The following ROS1 variants were observed in gnomAD, a reference collection of about 807,000 sequenced individuals.
ROS1 encodes proto-oncogene tyrosine-protein kinase ROS.
Under a neutral mutation model 273.5 loss-of-function variants are expected in ROS1, and 263 were observed. The observed-to-expected ratio is 0.96, with a 90% CI of 0.87 to 1.06. The LOEUF (loss-of-function observed/expected upper bound fraction) is 1.06. Ranked by LOEUF, ROS1 falls within the 50% of genes least tolerant of loss-of-function variation. The pLI, the probability that ROS1 is intolerant of heterozygous loss-of-function variation, is 0.00. For missense variants in ROS1, 2,833 were observed against 2,751.1 expected (o/e 1.03, Z -0.67); for synonymous variants, 1,008 against 954.1 (o/e 1.06, Z -1.04).
chr6:117,289,194 G>A (rs1334401508), intron 43 of ROS1, among the ~76,000 whole-genome samples: 1 of 152,136 alleles, frequency 6.6e-6, no homozygotes, highest in Non-Finnish European at 1.5e-5. Flanking sequence ...TCTAAAGTAT[G>A]TACTTTTTTA....
rs78982533 is a variant in ROS1 at position 117,413,488 on chromosome 6, G to GT, written c.255+1030dup. Among the ~76,000 whole-genome samples, 1,432 of 152,284 alleles carry GT rather than the reference G, an allele frequency of 9.4e-3. 49 individuals are homozygous for GT. Among genetic ancestry groups the GT allele is most frequent in the Admixed American group, 0.082 (1,261 of 15,294 alleles). On this transcript the variant is annotated intron_variant, in intron 4 of 43. Transcript: ENST00000368507. Reference sequence around the variant, plus strand: ...TTTGAAGGGATGAAATACAGGACAGGTAAGTTCAGCTGAAGACTAAGTAGG... The same window carrying GT: ...TTTGAAGGGATGAAATACAGGACAGGTTAAGTTCAGCTGAAGACTAAGTAGG...
intron 12 of ROS1, among the ~76,000 whole-genome samples, chr6:117,392,233 A>G (rs1773125438): frequency 6.6e-6 from 1 of 152,242 alleles, no homozygotes; most frequent in African/African-American, 2.4e-5. Context: ...CTAGAAGTTA[A>G]AATAAATCTT....
chr6:117,385,832 A>C lies in ROS1; in HGVS notation c.2140T>G (p.Tyr714Asp), dbSNP rs781112268. 1 of 1,614,170 alleles carries C rather than the reference A, an allele frequency of 6.2e-7. No individual in the cohort carries two copies. Among genetic ancestry groups the C allele is most frequent in the Admixed American group, 1.7e-5 (1 of 60,026 alleles). The change falls in exon 16 of 44, where the codon TAC becomes GAC. Residue 714 changes from tyrosine (Y) to aspartate (D), a missense_variant. Transcript: ENST00000368507. ...AAAACGTCGCCTTTCGTGTCACTGT[A>C]GTAGAGGCTGTTGTTATACCAATCC... ...DMDWYNNSLY[Y>D]SDTKGDVFVW...
chr6:117,411,799 T>C (rs1056961836), intron 4 of ROS1, among the ~76,000 whole-genome samples: 3 of 152,190 alleles, frequency 2.0e-5, no homozygotes, highest in Non-Finnish European at 4.4e-5. Context: ...TCTAAGAATA[T>C]GACAGTAAGC....
intron 27 of ROS1, among the ~76,000 whole-genome samples, chr6:117,347,825 C>A (rs904971733): frequency 6.6e-6 from 1 of 151,938 alleles, no homozygotes; most frequent in Non-Finnish European, 1.5e-5. Context: ...TCAATGTGAC[C>A]GCCTGATTTT....
intron 7 of ROS1, among the ~76,000 whole-genome samples, chr6:117,401,424 T>C (rs1176793336): frequency 6.6e-6 from 1 of 152,232 alleles, no homozygotes; most frequent in African/African-American, 2.4e-5. Context: ...TCTGGCTATG[T>C]GTCACATCGC....
intron 22 of ROS1, among the ~76,000 whole-genome samples, chr6:117,361,314 C>T (rs1042607357): frequency 6.6e-6 from 1 of 151,556 alleles, no homozygotes; most frequent in Admixed American, 6.6e-5. Context: ...AAATATAAAG[C>T]CCCAAGTACT....
intron 1 of ROS1, among the ~76,000 whole-genome samples, chr6:117,424,943 A>G (rs561761271): frequency 2.0e-5 from 3 of 152,312 alleles, no homozygotes; most frequent in African/African-American, 7.2e-5. Flanking sequence ...CTAAATTACA[A>G]CTGAAAAGAG....
At chr6:117,409,219 T>C (rs1774689290) in intron 5 of ROS1, among the ~76,000 whole-genome samples, 2 of 136,466 alleles carry the variant, frequency 1.5e-5, no homozygotes, top group African/African-American at 5.8e-5. Flanking sequence ...TATAATAAAA[T>C]AAATAAATAA....
intron 31 of ROS1, among the ~76,000 whole-genome samples, chr6:117,338,563 T>C (rs1218429228): frequency 1.3e-5 from 2 of 152,054 alleles, no homozygotes; most frequent in Non-Finnish European, 2.9e-5. Flanking sequence ...CTTAACTCTT[T>C]ATGGTTCTGT....
chr6:117,304,892 A>G (rs1057464695), intron 42 of ROS1, among the ~76,000 whole-genome samples: 2 of 151,996 alleles, frequency 1.3e-5, no homozygotes, highest in Admixed American at 1.3e-4. Flanking sequence ...TTAAAAGTGT[A>G]GCACCTCCTT....
intron 40 of ROS1, 139 bp from the exon 41 acceptor site, chr6:117,310,420 T>A: frequency 1.6e-6 from 1 of 606,284 alleles, no homozygotes; most frequent in Non-Finnish European, 2.7e-6. Flanking sequence ...TTACATGTGC[T>A]GAACATGAAG....
Position 117,425,772 on chromosome 6 carries a change from T to C in ROS1, c.-116A>G. On this transcript the variant is annotated 5_prime_UTR_variant, in exon 1 of 44. Transcript: ENST00000368507. ...GAGTAGCTGATGGATTTTGCTTTGT[T>C]TGTTTTGCTATATTAGGATATACTT... The C allele has an allele frequency of 8.7e-7, 1 of 1,153,006 alleles. No individual in the cohort carries two copies. 71.4% of individuals were successfully genotyped at this position (1,153,006 alleles called of 1,614,324 possible). A position where few individuals can be genotyped will look rare whatever the true frequency, so the allele number is the denominator to read the frequency against.
intron 17 of ROS1, among the ~76,000 whole-genome samples, chr6:117,382,047 C>T (rs768841322): frequency 3.1e-4 from 47 of 151,938 alleles, no homozygotes; most frequent in Non-Finnish European, 5.7e-4. Flanking sequence ...TGACAAAGTC[C>T]CTGAGGTGGA....
rs2128548497 is a variant in ROS1, at chr6:117,310,213, C to G, written c.6284G>C (p.Gly2095Ala). The G allele has an allele frequency of 6.2e-7, 1 of 1,613,238 alleles. No homozygotes were observed. Among genetic ancestry groups the G allele is most frequent in the Non-Finnish European group, 8.5e-7 (1 of 1,179,518 alleles). Residue 2095 changes from glycine (G) to alanine (A), a missense_variant, in exon 41 of 44, where the codon GGA becomes GCA. Gly to Ala is a moderately conservative substitution (Grantham distance 60, BLOSUM62 0). Transcript: ENST00000368507. ...DYTSPRIVKI[G>A]DFGLARDIYK... ...GATGTCTCTGGCGAGTCCAAAGTCT[C>G]CAATCTTCACTATCCGTGGACTGGT...
chr6:117,390,657 T>C (rs1772992942), intron 12 of ROS1, among the ~76,000 whole-genome samples: 1 of 152,202 alleles, frequency 6.6e-6, no homozygotes, highest in African/African-American at 2.4e-5. Context: ...CTACTTTGCA[T>C]TTGCAGTGGA....
intron 27 of ROS1, 82 bp from the exon 28 acceptor site, chr6:117,344,344 C>A: frequency 1.1e-6 from 1 of 946,106 alleles, no homozygotes; most frequent in South Asian, 1.8e-5. Flanking sequence ...AGAATAATAT[C>A]AAAGCTTAGA....
rs200482357 is a variant in ROS1 at position 117,318,186 on chromosome 6, A to C, written c.5987+2T>G. 2.5e-6 allele frequency: 4 copies of C among 1,611,244 alleles called. No homozygotes were observed. The highest frequency in any genetic ancestry group is 3.4e-6 in the Non-Finnish European group (4 of 1,177,876). The stretch of plus-strand genomic sequence containing the variant: ...ACCAGGAGAAAATTATTTCAGAGCT[A>C]CCTCATCAGATGTGCCTCCTTCAGG... On this transcript the variant is annotated splice_donor_variant, in intron 38 of 43. Transcript: ENST00000368507. LOFTEE classifies it high-confidence loss of function.
Position 117,288,765 on chromosome 6 carries a change from G to T in ROS1, c.6753C>A (p.Asp2251Glu), listed in dbSNP as rs754820794. Reference sequence around the variant, plus strand: ...TTTCCATTAAAGCAACTGGCATAATGTCATCTGAATTCAAACAAATCACAT... The same window carrying T: ...TTTCCATTAAAGCAACTGGCATAATTTCATCTGAATTCAAACAAATCACAT... ...DGDVICLNSD[D>E]IMPVALMETK... Residue 2251 changes from aspartate (D) to glutamate (E), a missense_variant, in exon 44 of 44, where the codon GAC becomes GAA. By Grantham distance (45) the Asp-to-Glu change is conservative (BLOSUM62 2). Coordinates refer to ENST00000368507, the MANE Select transcript of ROS1 (RefSeq NM_001378902.1). The T allele has an allele frequency of 1.2e-6, 2 of 1,610,578 alleles. No individual in the cohort carries two copies. The highest frequency in any genetic ancestry group is 1.7e-6 in the Non-Finnish European group (2 of 1,178,592).
Sources: allele counts gnomAD v4.1 joint callset (sites outside exome capture counted in the v4.1 genomes callset), GRCh38; gene constraint gnomAD v4.1.1; transcripts MANE v1.5; gene names NCBI Gene and HGNC (gene_info 2026-07-23, HGNC 2026-07-21).